POLR2F: variants seen among roughly 807,000 people sequenced by gnomAD.
The protein encoded by POLR2F is RNA polymerase II, I and III subunit F.
In POLR2F, 12 loss-of-function variants were observed where a neutral mutation model predicts 22.7. The observed-to-expected ratio is 0.53, with a 90% CI of 0.34 to 0.86. The LOEUF is 0.86. POLR2F is among the 40% of genes least tolerant of loss of function. The pLI is 0.02. For missense variants in POLR2F, 126 were observed against 171.5 expected, an observed-to-expected ratio of 0.73 and a Z score of 1.48; for synonymous variants, 57 against 66.0, an observed-to-expected ratio of 0.86 and a Z score of 0.66.
chr22:37,956,323 G>T (rs1393198503), intron 1 of POLR2F, among the ~76,000 whole-genome samples: 2 of 151,594 alleles, frequency 1.3e-5, no homozygotes, highest in African/African-American at 4.9e-5. Context: ...AACTCCACCC[G>T]CCTTGGCCTC....
At chr22:38,037,247 C>A (rs1198715808) in intron 5 of POLR2F, among the ~76,000 whole-genome samples, 1 of 102,390 alleles carries the variant, frequency 9.8e-6, no homozygotes, top group East Asian at 3.3e-4. Flanking sequence ...TAATGAGCAA[C>A]CTTATGTTAT....
At chr22:38,007,643 G>T (rs1168009080) in intron 1 of POLR2F, among the ~76,000 whole-genome samples, 1 of 152,202 alleles carries the variant, frequency 6.6e-6, no homozygotes, top group Non-Finnish European at 1.5e-5. Flanking sequence ...AGAGGGCACC[G>T]CGGGCCTCCA....
rs555676860 is a variant in POLR2F, at chr22:37,995,593, A to C, written c.120+9281A>C. Among the ~76,000 whole-genome samples the C allele has an allele frequency of 3.3e-5, 5 of 152,240 alleles. No homozygotes were observed. In the South Asian group the frequency reaches 6.2e-4, roughly 19 times the overall value. ...GTCTGTCTTCCCCACAAGGATGTCTACTTCATGAGGGCAGCTTCCTAAGTC... is the reference window on the plus strand; with the variant it reads ...GTCTGTCTTCCCCACAAGGATGTCTCCTTCATGAGGGCAGCTTCCTAAGTC... On this transcript the variant is annotated intron_variant, in intron 1 of 2. Coordinates refer to the POLR2F transcript ENST00000333418.
chr22:38,037,334 C>T (rs1344229925), intron 5 of POLR2F, among the ~76,000 whole-genome samples: 3 of 152,118 alleles, frequency 2.0e-5, no homozygotes, highest in African/African-American at 4.8e-5. Flanking sequence ...AGTGCAGTGG[C>T]GCAATCTTGG....
At position 37,978,413 on chromosome 22, in the gene POLR2F, G is replaced by T. The variant is rs1932291645; in HGVS notation, c.293+11243G>T. On this transcript the variant is annotated intron_variant, in intron 4 of 4. Coordinates refer to the POLR2F transcript ENST00000405557. This position sits in a 1 kb window ranked among gnomAD's most constrained non-coding sequence, Gnocchi z 5.0. ...CCCGCTGCTCCTGGCAGCCCCTGAG[G>T]AGGAGTTAGAAGTAGGAGTAGAGGT... Among the ~76,000 whole-genome samples, 1 of 152,242 alleles carries T rather than the reference G, an allele frequency of 6.6e-6. No homozygotes were observed. The highest frequency in any genetic ancestry group is 1.5e-5 in the Non-Finnish European group (1 of 68,038).
chr22:37,989,878 C>T (rs978974131), intron 1 of POLR2F, among the ~76,000 whole-genome samples: 5 of 152,218 alleles, frequency 3.3e-5, no homozygotes, highest in African/African-American at 1.2e-4. Flanking sequence ...GGAGCGCTGT[C>T]CTCCCTCTGC....
At chr22:38,019,526 C>T (rs1241497519) in intron 1 of POLR2F, among the ~76,000 whole-genome samples, 1 of 152,172 alleles carries the variant, frequency 6.6e-6, no homozygotes, top group Non-Finnish European at 1.5e-5. Flanking sequence ...CTCCCTGATC[C>T]CCCAAGCACG....
At chr22:38,021,619 G>GT (rs2084960906) in intron 1 of POLR2F, among the ~76,000 whole-genome samples, 1 of 152,076 alleles carries the variant, frequency 6.6e-6, no homozygotes, top group South Asian at 2.1e-4. Flanking sequence ...ACCATGCCCA[G>GT]TTACTTTTTA....
chr22:37,978,167 A>T lies in POLR2F; in HGVS notation c.293+10997A>T, dbSNP rs747919554. The T allele has an allele frequency of 6.6e-7, 1 of 1,510,498 alleles. No homozygotes were observed. The highest frequency in any genetic ancestry group is 2.0e-5 in the Admixed American group (1 of 49,916). The allele number at this position is 1,510,498 out of a possible 1,614,324, so 93.6% of individuals were successfully genotyped here. ...TGTGGTGGGAGGCGGAGAGGACAGC[A>T]GAGGGGCTGGCGTGAATGCCAGAGC... is the stretch of plus-strand genomic sequence containing the variant. On this transcript the variant is annotated intron_variant, in intron 4 of 4. Transcript: ENST00000405557. This position sits in a 1 kb window ranked among gnomAD's most constrained non-coding sequence, Gnocchi z 5.0.
At chr22:38,014,628 G>A (rs1382186835) in intron 1 of POLR2F, among the ~76,000 whole-genome samples, 2 of 151,520 alleles carry the variant, frequency 1.3e-5, no homozygotes, top group African/African-American at 4.9e-5. Context: ...AAGTAGCTGG[G>A]ACTACAGGAC....
In POLR2F at chr22:37,967,637, C is replaced by T. The variant is rs1430648782; in HGVS notation, c.306C>T (p.Ile102=). The T allele has an allele frequency of 6.2e-7, 1 of 1,614,000 alleles. No homozygotes were observed. Among genetic ancestry groups the T allele is most frequent in the South Asian group, 1.1e-5 (1 of 91,074 alleles). The change falls in exon 5 of 5, where the codon ATC becomes ATT. Residue 102 remains isoleucine, a synonymous_variant. Transcript: ENST00000442738. ...TCCCCTGCCACAGGGCCCGAAAGAT[C>T]CCCATCATCATTCGCCGTTACCTGC... ...IAMKELKARK[I]PIIIRRYLPD...
At chr22:37,955,148 C>T (rs1182427289) in intron 1 of POLR2F, among the ~76,000 whole-genome samples, 2 of 149,960 alleles carry the variant, frequency 1.3e-5, no homozygotes, top group Non-Finnish European at 2.9e-5. Flanking sequence ...CACATTTTTG[C>T]TTCAAAGGAC....
intron 1 of POLR2F, among the ~76,000 whole-genome samples, chr22:38,014,806 AT>A (rs71737468): frequency 0.52 from 50,143 of 96,820 alleles, 11,580 homozygotes; most frequent in East Asian, 0.66. Flanking sequence ...GTATTTTTGT[AT>A]TTTTTTTTTT....
chr22:38,002,605 C>T (rs780995326), intron 1 of POLR2F, among the ~76,000 whole-genome samples: 1 of 151,786 alleles, frequency 6.6e-6, no homozygotes, highest in Non-Finnish European at 1.5e-5. Context: ...TGGGGTTGCT[C>T]AGCAAAGTCA....
chr22:38,017,138 G>A lies in POLR2F; in HGVS notation c.121-8731G>A, dbSNP rs2084922715. 6.6e-6 allele frequency among the ~76,000 whole-genome samples: 1 copy of A among 152,330 alleles called. No individual in the cohort carries two copies. Among genetic ancestry groups the A allele is most frequent in the Admixed American group, 6.5e-5 (1 of 15,304 alleles). Reference sequence around the variant, plus strand: ...GGGTCTGCATCCTCATGTGCCCTGGGCTTGCTGTGCCACCCAAGGCAGCCT... The same window carrying A: ...GGGTCTGCATCCTCATGTGCCCTGGACTTGCTGTGCCACCCAAGGCAGCCT... On this transcript the variant is annotated intron_variant, in intron 1 of 2. Transcript: ENST00000333418. The surrounding 1 kb of genome is among the most constrained non-coding windows in gnomAD (Gnocchi z 4.1).
intron 3 of POLR2F, 132 bp downstream of exon 3, chr22:37,959,608 G>A: frequency 1.0e-6 from 1 of 996,052 alleles, no homozygotes; most frequent in Admixed American, 2.3e-5. Context: ...TGCCGTCCCT[G>A]CGTACCAGGC....
intron 1 of POLR2F, among the ~76,000 whole-genome samples, chr22:37,955,990 A>G (rs1931379062): frequency 6.6e-6 from 1 of 151,682 alleles, no homozygotes; most frequent in African/African-American, 2.4e-5. Flanking sequence ...CAGCTGATTT[A>G]CTTATTAAGT....
chr22:38,008,192 A>G (rs1228123641), intron 1 of POLR2F, among the ~76,000 whole-genome samples: 1 of 152,114 alleles, frequency 6.6e-6, no homozygotes, highest in East Asian at 1.9e-4. Flanking sequence ...GTGAGCAGAG[A>G]TTGCACCACT....
At chr22:38,001,525 A>C (rs931070960) in intron 1 of POLR2F, among the ~76,000 whole-genome samples, 5 of 152,020 alleles carry the variant, frequency 3.3e-5, no homozygotes, top group African/African-American at 1.2e-4. Flanking sequence ...AGGCTCCTGG[A>C]CTATAGAGTT....
Sources: gnomAD v4.1 joint callset for allele counts (sites outside exome capture counted in the v4.1 genomes callset) on GRCh38, gnomAD v4.1.1 for gene constraint, Gnocchi (gnomAD v3.1) non-coding constraint, MANE v1.5 for transcripts, NCBI Gene and HGNC (gene_info 2026-07-23, HGNC 2026-07-21) for gene names.